Variants in GRIK2 observed in about 807,000 individuals in gnomAD.
GRIK2 encodes glutamate receptor ionotropic, kainate 2.
In GRIK2, 32 loss-of-function variants were observed where a neutral mutation model predicts 100.3. The observed-to-expected ratio is 0.32, with a 90% CI of 0.24 to 0.43. GRIK2 has a LOEUF of 0.43. Among genes scored for constraint, GRIK2 ranks in the 20% least tolerant of loss-of-function variants. GRIK2 has a pLI of 1.00. For synonymous variants in GRIK2, 417 were observed against 389.4 expected, an observed-to-expected ratio of 1.07 and a Z score of -0.83; for missense variants, 843 against 1,114.9, an observed-to-expected ratio of 0.76 and a Z score of 3.47.
rs772498770 is a variant in GRIK2, at chr6:101,802,374, C to T, written c.1139C>T (p.Thr380Ile). 17 of 1,593,054 alleles carry T rather than the reference C, an allele frequency of 1.1e-5. No individual in the cohort carries two copies. The highest frequency in any genetic ancestry group is 3.5e-5 in the Admixed American group (2 of 57,278). ...GLTGRITFNK[T>I]NGLRTDFDLD... ...ACAGGCAGAATAACTTTCAACAAAA[C>T]CAATGGCTTGAGAACAGATTTTGAT... Residue 380 changes from threonine to isoleucine, a missense_variant, in exon 9 of 17, where the codon ACC (threonine) becomes ATC (isoleucine). Transcript: ENST00000369134.
chr6:101,436,620 T>C (rs1769732565), intron 2 of GRIK2, among the ~76,000 whole-genome samples: 1 of 151,984 alleles, frequency 6.6e-6, no homozygotes, highest in African/African-American at 2.4e-5. Flanking sequence ...ATATATAATT[T>C]GGGGAATTGG....
chr6:101,930,902 T>C (rs1306209068), intron 14 of GRIK2, among the ~76,000 whole-genome samples: 3 of 152,132 alleles, frequency 2.0e-5, no homozygotes, highest in African/African-American at 7.2e-5. Context: ...GCTTTCTATT[T>C]CCAACAGCAC....
In GRIK2 at chr6:101,762,174, C is replaced by G. The variant is rs535427807; in HGVS notation, c.952-37474C>G. On this transcript the variant is annotated intron_variant, in intron 7 of 16. Coordinates refer to ENST00000369134, the MANE Select transcript of GRIK2 (RefSeq NM_021956.5). ...TTCCTCTGTCTCTGTCTCTGTCTCT[C>G]TCTCTCTCTCTTCTTTCTCAGACAG... Among the ~76,000 whole-genome samples the G allele has an allele frequency of 1.7e-3, 239 of 138,666 alleles. 1 individual carries two copies. The highest frequency in any genetic ancestry group is 6.2e-3 in the African/African-American group (213 of 34,536). The allele number at this position is 138,666 out of a possible 152,430, so 91.0% of individuals were successfully genotyped here. A position where few individuals can be genotyped will look rare whatever the true frequency, so the allele number is the denominator to read the frequency against.
intron 12 of GRIK2, among the ~76,000 whole-genome samples, chr6:101,906,237 A>C (rs1788211495): frequency 6.6e-6 from 1 of 151,694 alleles, no homozygotes; most frequent in Non-Finnish European, 1.5e-5. Flanking sequence ...GTGATATTAA[A>C]ATTGCCTGTC....
chr6:101,538,533 C>T (rs558207747), intron 2 of GRIK2, among the ~76,000 whole-genome samples: 1 of 151,588 alleles, frequency 6.6e-6, no homozygotes, highest in South Asian at 2.1e-4. Context: ...TTTATCTTGA[C>T]AGCCTGAGCT....
intron 10 of GRIK2, among the ~76,000 whole-genome samples, chr6:101,845,120 A>T (rs1281350630): frequency 1.3e-5 from 2 of 152,042 alleles, no homozygotes; most frequent in Non-Finnish European, 2.9e-5. Flanking sequence ...TCCTGGCTCA[A>T]GCAGTCCTCC....
intron 16 of GRIK2, among the ~76,000 whole-genome samples, chr6:102,061,407 C>A (rs139538634): frequency 3.6e-4 from 54 of 150,426 alleles, no homozygotes; most frequent in Non-Finnish European, 6.1e-4. Flanking sequence ...TTCAAAGATG[C>A]CTAGTCTAAC....
chr6:102,018,907 G>A (rs1457625919), intron 14 of GRIK2, among the ~76,000 whole-genome samples: 1 of 151,916 alleles, frequency 6.6e-6, no homozygotes, highest in Non-Finnish European at 1.5e-5. Flanking sequence ...CTAAAAGTAA[G>A]CAACACAAAA....
chr6:101,938,717 T>A (rs1334178946), intron 14 of GRIK2, among the ~76,000 whole-genome samples: 2 of 152,108 alleles, frequency 1.3e-5, no homozygotes, highest in African/African-American at 4.8e-5. Flanking sequence ...TGTATGTACA[T>A]GAAGAGTGTG....
intron 2 of GRIK2, among the ~76,000 whole-genome samples, chr6:101,471,286 A>C (rs1471879571): frequency 6.6e-6 from 1 of 152,034 alleles, no homozygotes; most frequent in Non-Finnish European, 1.5e-5. Context: ...TATTATACCT[A>C]ATACTAATAC....
intron 14 of GRIK2, among the ~76,000 whole-genome samples, chr6:101,984,614 A>AACAC (rs10678285): frequency 0.12 from 16,059 of 129,078 alleles, 1,087 homozygotes; most frequent in East Asian, 0.18. Flanking sequence ...TACACATTAA[A>AACAC]ACACACACAC....
chr6:101,974,572 C>T (rs1793252980), intron 14 of GRIK2, among the ~76,000 whole-genome samples: 1 of 152,042 alleles, frequency 6.6e-6, no homozygotes, highest in African/African-American at 2.4e-5. Flanking sequence ...AGGCTGGCAA[C>T]TCCGGCAGGG....
rs192611280 is a variant in GRIK2 at position 101,566,019 on chromosome 6, A to G, written c.116-55930A>G. Among the ~76,000 whole-genome samples, 176 of 149,678 alleles carry G rather than the reference A, an allele frequency of 1.2e-3. 1 individual carries two copies. The highest frequency in any genetic ancestry group is 1.9e-3 in the Non-Finnish European group (130 of 67,544). ...ATAAGAAAGAGAAAATATATTTACT[A>G]TTTAAGTAGATAGTGGATCATTGTA... On this transcript the variant is annotated intron_variant, in intron 2 of 16. Transcript: ENST00000369134.
In GRIK2 at chr6:101,897,805, T is replaced by A. The variant is rs149921702; in HGVS notation, c.1748+7942T>A. 7.9e-3 allele frequency among the ~76,000 whole-genome samples: 1,203 copies of A among 151,974 alleles called. 22 individuals carry two copies. Among genetic ancestry groups the A allele is most frequent in the African/African-American group, 0.027 (1,139 of 41,532 alleles). ...GAGTACTGTGCTCATAAAAAGGCAA[T>A]TGTCTTGAGAAATGTAGAAAAATAG... On this transcript the variant is annotated intron_variant, in intron 12 of 16. Transcript: ENST00000369134.
chr6:101,691,411 G>T (rs540472918), intron 7 of GRIK2, among the ~76,000 whole-genome samples: 4 of 151,288 alleles, frequency 2.6e-5, no homozygotes, highest in East Asian at 2.0e-4. Flanking sequence ...AGATTCTTGC[G>T]CCTCAGCCTC....
At chr6:101,438,612 C>T (rs542227098) in intron 2 of GRIK2, among the ~76,000 whole-genome samples, 79 of 152,200 alleles carry the variant, frequency 5.2e-4, no homozygotes, top group African/African-American at 1.9e-3. Context: ...TGCTCAACAT[C>T]GTTCTGGCAC....
chr6:101,525,370 G>A (rs1775099718), intron 2 of GRIK2, among the ~76,000 whole-genome samples: 1 of 152,176 alleles, frequency 6.6e-6, no homozygotes, highest in Non-Finnish European at 1.5e-5. Flanking sequence ...AGCTATGTGA[G>A]TTACGGAATC....
chr6:101,677,869 C>T (rs1770955071), intron 5 of GRIK2, among the ~76,000 whole-genome samples: 1 of 152,036 alleles, frequency 6.6e-6, no homozygotes, highest in African/African-American at 2.4e-5. Context: ...ATCCAATATT[C>T]CAATATAAAT....
intron 7 of GRIK2, among the ~76,000 whole-genome samples, chr6:101,777,400 A>G (rs1046006210): frequency 3.9e-5 from 6 of 152,176 alleles, no homozygotes; most frequent in Admixed American, 3.3e-4. Context: ...CTGACTGTGC[A>G]AGGGAGATCC....
Sources: gnomAD v4.1 joint callset for allele counts (sites outside exome capture counted in the v4.1 genomes callset) on GRCh38, gnomAD v4.1.1 for gene constraint, MANE v1.5 for transcripts, NCBI Gene and HGNC (gene_info 2026-07-23, HGNC 2026-07-21) for gene names.